Variants in PDE4C observed in about 807,000 individuals in gnomAD.
The protein encoded by PDE4C is phosphodiesterase 4C.
A neutral mutation model predicts 63.9 loss-of-function variants in PDE4C; 50 were observed. That is an observed-to-expected ratio of 0.78 (90% CI 0.62 to 0.99). The LOEUF is 0.99. Among genes scored for constraint, PDE4C ranks in the 50% least tolerant of loss-of-function variants. The pLI, the probability that PDE4C is intolerant of heterozygous loss-of-function variation, is 0.00. For missense variants in PDE4C, 777 were observed against 899.1 expected (o/e 0.86, Z 1.74); for synonymous variants, 377 against 385.1 (o/e 0.98, Z 0.25).
upstream of PDE4C, among the ~76,000 whole-genome samples, chr19:18,235,135 C>T (rs886328696): frequency 3.3e-5 from 5 of 152,218 alleles, no homozygotes; most frequent in African/African-American, 4.8e-5. Context: ...CCCCTCTCCC[C>T]AGCTCCTGCT....
chr19:18,233,926 G>A (rs1216119345), upstream of PDE4C, among the ~76,000 whole-genome samples: 1 of 152,200 alleles, frequency 6.6e-6, no homozygotes, highest in Non-Finnish European at 1.5e-5. Context: ...AGGAAGGTAG[G>A]CTCCGCGGTT....
At chr19:18,255,150 G>T in the PDE4C span, 1 of 397,966 alleles carries the variant, frequency 2.5e-6, no homozygotes, top group South Asian at 1.3e-4. This position sits in a 1 kb window ranked among gnomAD's most constrained non-coding sequence, Gnocchi z 4.6. Context: ...CCAGGTGTGT[G>T]ACTGGGCTGT....
chr19:18,232,880 T>A, intron 1 of PDE4C: 68 of 1,232,968 alleles, frequency 5.5e-5, no homozygotes, highest in Non-Finnish European at 6.3e-5. Flanking sequence ...GCAAGGACCC[T>A]CCCCCACTCC....
At chr19:18,242,828 G>A (rs1969066933) in intron 1 of PDE4C, among the ~76,000 whole-genome samples, 1 of 151,956 alleles carries the variant, frequency 6.6e-6, no homozygotes, top group Admixed American at 6.6e-5. Context: ...AAGGGCCAGG[G>A]TGGAGGGAAG....
At chr19:18,226,585 T>C, upstream of PDE4C, 1 of 407,806 alleles carries the variant, frequency 2.5e-6, no homozygotes, top group Non-Finnish European at 4.2e-6. Context: ...AGGCACAGAG[T>C]CAGACGCAAC....
At chr19:18,218,032 T>C in intron 11 of PDE4C, 117 bp downstream of exon 11, 1 of 775,974 alleles carries the variant, frequency 1.3e-6, no homozygotes, top group East Asian at 2.5e-5. Context: ...GTCATAGTCA[T>C]TTCATAGACA....
At chr19:18,222,105 G>C in intron 2 of PDE4C, 27 bp downstream of exon 2, 1 of 1,581,120 alleles carries the variant, frequency 6.3e-7, no homozygotes, top group Non-Finnish European at 8.7e-7. Context: ...GGTAGAGGCG[G>C]TGTCATCCCA....
chr19:18,228,502 C>T (rs929171375), upstream of PDE4C, among the ~76,000 whole-genome samples: 1 of 152,134 alleles, frequency 6.6e-6, no homozygotes, highest in African/African-American at 2.4e-5. Context: ...CATTTGAACC[C>T]GGACAGGTAG....
the PDE4C span, among the ~76,000 whole-genome samples, chr19:18,253,632 T>C: frequency 4.9e-4 from 75 of 152,038 alleles, no homozygotes; most frequent in Middle Eastern, 0.01. Flanking sequence ...GATCCACCTA[T>C]GAGCTCAGAG....
At chr19:18,240,908 G>A (rs1313788679) in intron 1 of PDE4C, among the ~76,000 whole-genome samples, 6 of 152,282 alleles carry the variant, frequency 3.9e-5, no homozygotes, top group East Asian at 1.9e-4. Flanking sequence ...CCTCTGACTC[G>A]TGTTGTGGAG....
chr19:18,219,117 G>A, intron 8 of PDE4C, 79 bp from the exon 9 acceptor site: 2 of 1,576,198 alleles, frequency 1.3e-6, no homozygotes, highest in South Asian at 1.1e-5. Context: ...TCCCACCCCA[G>A]GTTCCACAGT....
upstream of PDE4C, among the ~76,000 whole-genome samples, chr19:18,228,173 C>A (rs1968781743): frequency 6.6e-6 from 1 of 151,972 alleles, no homozygotes; most frequent in South Asian, 2.1e-4. Flanking sequence ...GCAGTCTTGA[C>A]ACCACCTCCC....
chr19:18,246,942 C>CAA (rs1969144616), intron 1 of PDE4C, among the ~76,000 whole-genome samples: 1 of 151,198 alleles, frequency 6.6e-6, no homozygotes, highest in Non-Finnish European at 1.5e-5. Flanking sequence ...CAAAACAAAA[C>CAA]AACAACAGAA....
chr19:18,224,269 C>A, intron 1 of PDE4C: 2 of 985,476 alleles, frequency 2.0e-6, no homozygotes, highest in Non-Finnish European at 2.4e-6. Context: ...CAGGCGGAAG[C>A]GGCACCGACA....
At chr19:18,219,177 C>T in intron 8 of PDE4C, 57 bp downstream of exon 8, 1 of 1,610,758 alleles carries the variant, frequency 6.2e-7, no homozygotes, top group Non-Finnish European at 8.5e-7. Context: ...CGAGATAGGG[C>T]ATCCAGACAG....
In PDE4C at chr19:18,213,152, C is replaced by T. The variant is rs558581528; in HGVS notation, c.1512+216G>A. ...AAAAAAAATTAGCTGGGCGCGGTGC[C>T]GGGCACCTGTAATCCCAGCTACTCG... On this transcript the variant is annotated intron_variant, in intron 13 of 14. Transcript: ENST00000262805. Among the ~76,000 whole-genome samples the T allele has an allele frequency of 1.1e-4, 16 of 151,482 alleles. No homozygotes were observed. In the South Asian group the frequency reaches 2.9e-3, roughly 28 times the overall value.
chr19:18,254,730 C>T, the PDE4C span, among the ~76,000 whole-genome samples: 1 of 152,138 alleles, frequency 6.6e-6, no homozygotes, highest in African/African-American at 2.4e-5. Context: ...AAAGGGAATG[C>T]GAGAAGCTCA....
intron 12 of PDE4C, 75 bp downstream of exon 12, chr19:18,216,665 AC>A: frequency 7.0e-7 from 1 of 1,422,410 alleles, no homozygotes; most frequent in Non-Finnish European, 9.5e-7. Context: ...ATATCACCCC[AC>A]CCTGCTGTCT....
At chr19:18,226,366 C>A in exon 1 of PDE4C, 1 of 1,495,868 alleles carries the variant, frequency 6.7e-7, no homozygotes, top group Non-Finnish European at 8.9e-7. Flanking sequence ...CGGGGATCCC[C>A]GAGGGGAGCC....
Sources: allele counts gnomAD v4.1 joint callset (sites outside exome capture counted in the v4.1 genomes callset), GRCh38; gene constraint gnomAD v4.1.1; non-coding constraint Gnocchi (gnomAD v3.1); transcripts MANE v1.5; gene names NCBI Gene and HGNC (gene_info 2026-07-23, HGNC 2026-07-21).